The following ARIH2 variants were observed in gnomAD, a reference collection of about 807,000 sequenced individuals.
The protein encoded by ARIH2 is E3 ubiquitin-protein ligase ARIH2.
In ARIH2, 12 loss-of-function variants were observed where a neutral mutation model predicts 79.8. The ratio of observed to expected loss-of-function variants is 0.15; its 90% CI spans 0.10 to 0.24. The LOEUF (loss-of-function observed/expected upper bound fraction) is 0.24. Ranked by LOEUF, ARIH2 falls within the 10% of genes least tolerant of loss-of-function variation. ARIH2 has a pLI of 1.00. For missense variants in ARIH2, 301 were observed against 618.3 expected (o/e 0.49, Z 5.44); for synonymous variants, 224 against 213.9 (o/e 1.05, Z -0.41).
chr3:48,955,462 C>T lies in ARIH2; in HGVS notation c.256-6150C>T, dbSNP rs568116233. ...CCTAACTACCAACAGGTTGTTAGCTCCTTCATTACAACAGCCCAGCAAGAG... is the reference window on the plus strand; with the variant it reads ...CCTAACTACCAACAGGTTGTTAGCTTCTTCATTACAACAGCCCAGCAAGAG... On this transcript the variant is annotated intron_variant, in intron 3 of 15. Transcript: ENST00000356401. 1.4e-4 allele frequency among the ~76,000 whole-genome samples: 21 copies of T among 152,110 alleles called. 1 individual carries two copies. In the South Asian group the frequency reaches 3.9e-3, roughly 29 times the overall value.
chr3:48,918,929 C>T lies in ARIH2; in HGVS notation c.-231C>T, dbSNP rs766160744. On this transcript the variant is annotated 5_prime_UTR_variant, in exon 1 of 16. Coordinates refer to ENST00000356401, the MANE Select transcript of ARIH2 (RefSeq NM_006321.4). ...CCTCCGCTGCCGCTTCGCCCCAATC[C>T]GGTCCCTCTGGCCCGGCCTGACCCG... is the stretch of plus-strand genomic sequence containing the variant. The T allele has an allele frequency of 1.9e-6, 3 of 1,591,878 alleles. No individual in the cohort carries two copies. Among genetic ancestry groups the T allele is most frequent in the Non-Finnish European group, 2.6e-6 (3 of 1,173,580 alleles).
chr3:48,953,427 G>C lies in ARIH2; in HGVS notation c.256-8185G>C, dbSNP rs141304874. 3.8e-3 allele frequency among the ~76,000 whole-genome samples: 572 copies of C among 151,556 alleles called. 7 individuals are homozygous for C. Among genetic ancestry groups the C allele is most frequent in the East Asian group, 0.014 (71 of 5,146 alleles). ...CTTTTTTTTATTTTTTATTTTAGACGGAGTCTCGCTCTGTCTCCCAGGCTG... is the reference window on the plus strand; with the variant it reads ...CTTTTTTTTATTTTTTATTTTAGACCGAGTCTCGCTCTGTCTCCCAGGCTG... On this transcript the variant is annotated intron_variant, in intron 3 of 15. Transcript: ENST00000356401.
intron 3 of ARIH2, among the ~76,000 whole-genome samples, chr3:48,939,001 C>T (rs1370801750): frequency 6.7e-6 from 1 of 150,058 alleles, no homozygotes; most frequent in Non-Finnish European, 1.5e-5. Flanking sequence ...CAGAGTGTTG[C>T]TCGTCCCCCA....
At chr3:48,983,152 T>C (rs978079639) in intron 15 of ARIH2, 47 bp from the exon 16 acceptor site, 1 of 1,608,788 alleles carries the variant, frequency 6.2e-7, no homozygotes, top group Middle Eastern at 1.7e-4. Context: ...TACTCCTTGC[T>C]CCCAGGCCTG....
At position 48,961,591 on chromosome 3, in the gene ARIH2, T is replaced by C. The variant is rs561875846; in HGVS notation, c.256-21T>C. On this transcript the variant is annotated intron_variant, in intron 3 of 15. Coordinates refer to ENST00000356401, the MANE Select transcript of ARIH2 (RefSeq NM_006321.4). ...AAGAAAATGCAGTTATAATTCGATT[T>C]TTTTTCTTTCTTCTTTCTAGGTATC... 6.4e-5 allele frequency: 96 copies of C among 1,501,610 alleles called. 2 individuals are homozygous for C. In the South Asian group the frequency reaches 1.0e-3, roughly 16 times the overall value. The allele number at this position is 1,501,610 out of a possible 1,614,324, so 93.0% of individuals were successfully genotyped here. A position where few individuals can be genotyped will look rare whatever the true frequency, so the allele number is the denominator to read the frequency against.
At chr3:48,943,023 C>G (rs1414039679) in intron 3 of ARIH2, among the ~76,000 whole-genome samples, 1 of 152,112 alleles carries the variant, frequency 6.6e-6, no homozygotes, top group Admixed American at 6.5e-5. Context: ...AGGAGATCCA[C>G]CTGCCTCGGC....
At chr3:48,924,312 C>G (rs559731118) in intron 2 of ARIH2, among the ~76,000 whole-genome samples, 2 of 150,766 alleles carry the variant, frequency 1.3e-5, no homozygotes, top group African/African-American at 2.4e-5. Context: ...AGCCACTGTA[C>G]GTGGGCCTTT....
intron 9 of ARIH2, 113 bp from the exon 10 acceptor site, chr3:48,974,704 C>A: frequency 4.7e-6 from 5 of 1,069,868 alleles, no homozygotes; most frequent in Non-Finnish European, 7.2e-6. Flanking sequence ...TGCTCCTCCC[C>A]AGAAGTGCTC....
chr3:48,981,188 C>T (rs1482145262), intron 13 of ARIH2, among the ~76,000 whole-genome samples: 3 of 151,734 alleles, frequency 2.0e-5, no homozygotes, highest in South Asian at 2.1e-4. Flanking sequence ...AAACGTTCGC[C>T]TGGTGTGGTG....
At chr3:48,952,033 C>CTTTA (rs1305283806) in intron 3 of ARIH2, among the ~76,000 whole-genome samples, 1 of 151,988 alleles carries the variant, frequency 6.6e-6, no homozygotes, top group African/African-American at 2.4e-5. Context: ...TAGGTTAGAT[C>CTTTA]TTTATGTCAT....
At position 48,927,795 on chromosome 3, in the gene ARIH2, C is replaced by T. The variant is rs754402607; in HGVS notation, c.237C>T (p.Ser79=). 1 of 1,614,130 alleles carries T rather than the reference C, an allele frequency of 6.2e-7. No individual in the cohort carries two copies. The highest frequency in any genetic ancestry group is 8.5e-7 in the Non-Finnish European group (1 of 1,179,996). ...GTGCCCTCAATGAGCACATGACCAGCTTAGCTTCTGTCCTAAAGGTGAGCA... is the reference window on the plus strand; with the variant it reads ...GTGCCCTCAATGAGCACATGACCAGTTTAGCTTCTGTCCTAAAGGTGAGCA... The part of the protein sequence containing the change: ...SEGALNEHMT[S]LASVLKVSHS... The change falls in exon 3 of 16, where the codon AGC becomes AGT. Residue 79 remains serine, a synonymous_variant. Transcript: ENST00000356401.
rs2107563257 is a variant in ARIH2, at chr3:48,964,879, T to C, written c.324-40T>C. 3.2e-6 allele frequency: 5 copies of C among 1,546,646 alleles called. No individual in the cohort carries two copies. In the East Asian group the frequency reaches 9.0e-5, roughly 28 times the overall value. On this transcript the variant is annotated intron_variant, in intron 4 of 15. Coordinates refer to ENST00000356401, the MANE Select transcript of ARIH2 (RefSeq NM_006321.4). ...TATTGTTCAGGGGTAAAAATGTCTT[T>C]AGCTTCTGATTGCCTTCATTTCTGC...
chr3:48,954,115 C>G lies in ARIH2; in HGVS notation c.256-7497C>G, dbSNP rs369670028. Among the ~76,000 whole-genome samples the G allele has an allele frequency of 5.9e-5, 9 of 151,572 alleles. No individual in the cohort carries two copies. In the East Asian group the frequency reaches 1.4e-3, roughly 23 times the overall value. On this transcript the variant is annotated intron_variant, in intron 3 of 15. Transcript: ENST00000356401. ...GGCGGAGGTTGCAGTGAACCAAGAT[C>G]GCGCCATTGCATTCCAGCGTGGGGA...
chr3:48,982,795 T>C (rs1368798577), intron 14 of ARIH2, 101 bp from the exon 15 acceptor site: 4 of 813,242 alleles, frequency 4.9e-6, no homozygotes, highest in South Asian at 2.8e-5. Context: ...TTGTCTGTAG[T>C]TCCTGTGAGC....
chr3:48,967,422 A>G (rs976796621), intron 6 of ARIH2, 147 bp downstream of exon 6: 1 of 900,028 alleles, frequency 1.1e-6, no homozygotes, highest in Non-Finnish European at 1.6e-6. Context: ...AAATACATCC[A>G]TACAAACAGT....
intron 2 of ARIH2, chr3:48,927,107 C>T (rs141408075): frequency 8.1e-4 from 143 of 175,568 alleles, no homozygotes; most frequent in Middle Eastern, 2.9e-3. Context: ...CTTTATGTTG[C>T]CTCCCCTCTG....
rs2086840251 is a variant in ARIH2 at position 48,934,466 on chromosome 3, A to G, written c.255+6653A>G. ...ATTATTGTTGCTACTACTCATGGGA[A>G]AGTATCTTCAAGCTGGGCCTGGTTA... On this transcript the variant is annotated intron_variant, in intron 3 of 15. Coordinates refer to ENST00000356401, the MANE Select transcript of ARIH2 (RefSeq NM_006321.4). 3 of 985,338 alleles carry G rather than the reference A, an allele frequency of 3.0e-6. No individual in the cohort carries two copies. In the East Asian group the frequency reaches 3.4e-4, roughly 112 times the overall value. 61.0% of individuals were successfully genotyped at this position (985,338 alleles called of 1,614,324 possible).
chr3:48,927,485 G>A lies in ARIH2; in HGVS notation c.-74G>A, dbSNP rs1260595863. On this transcript the variant is annotated 5_prime_UTR_variant, in exon 3 of 16. Coordinates refer to ENST00000356401, the MANE Select transcript of ARIH2 (RefSeq NM_006321.4). ...AGAAGACAAAAATACTAATGCATTT[G>A]AGAAAGCGGTAGTTTTGGGGGGAGG... 28 of 1,541,420 alleles carry A rather than the reference G, an allele frequency of 1.8e-5. No homozygotes were observed. Among genetic ancestry groups the A allele is most frequent in the Non-Finnish European group, 2.0e-5 (23 of 1,144,416 alleles).
intron 5 of ARIH2, among the ~76,000 whole-genome samples, chr3:48,965,331 A>G (rs960841226): frequency 1.3e-5 from 2 of 151,820 alleles, no homozygotes; most frequent in Admixed American, 1.3e-4. Flanking sequence ...CTGCACTCCA[A>G]CCTGGGCGAC....
Sources: allele counts gnomAD v4.1 joint callset (sites outside exome capture counted in the v4.1 genomes callset), GRCh38; gene constraint gnomAD v4.1.1; transcripts MANE v1.5; gene names NCBI Gene and HGNC (gene_info 2026-07-23, HGNC 2026-07-21).